REST: variants seen among roughly 807,000 people sequenced by gnomAD.
The protein encoded by REST is RE1-silencing transcription factor.
REST carries 1 observed loss-of-function variant against 30.4 expected under a neutral mutation model. The ratio of observed to expected loss-of-function variants is 0.03; its 90% CI spans 0.01 to 0.16. The LOEUF is 0.16. Ranked by LOEUF, REST falls within the 10% of genes least tolerant of loss-of-function variation. REST has a pLI of 1.00. For missense variants in REST, 1,259 were observed against 1,329.5 expected, an observed-to-expected ratio of 0.95 and a Z score of 0.82; for synonymous variants, 504 against 451.1, an observed-to-expected ratio of 1.12 and a Z score of -1.49.
intron 3 of REST, chr4:56,927,554 T>C: frequency 7.3e-6 from 5 of 686,946 alleles, no homozygotes; most frequent in Non-Finnish European, 9.5e-6. Flanking sequence ...TTGAGAATGT[T>C]TGAGATGAAT....
intron 3 of REST, among the ~76,000 whole-genome samples, chr4:56,928,000 T>A (rs551377301): frequency 7.2e-5 from 11 of 152,372 alleles, no homozygotes; most frequent in African/African-American, 2.4e-4. Context: ...AAGCAGAATT[T>A]CAAAACTTTT....
In REST at chr4:56,931,760, G is replaced by T; in HGVS notation, c.2902G>T (p.Glu968Ter). The T allele has an allele frequency of 6.2e-7, 1 of 1,614,208 alleles. No homozygotes were observed. Among genetic ancestry groups the T allele is most frequent in the Non-Finnish European group, 8.5e-7 (1 of 1,180,042 alleles). ...NLTGINSTVE[E>*]PVSPMLPPSA... Reference sequence around the variant, plus strand: ...CACTGGTATAAATTCAACAGTTGAAGAACCAGTTTCACCAATGCTTCCCCC... The same window carrying T: ...CACTGGTATAAATTCAACAGTTGAATAACCAGTTTCACCAATGCTTCCCCC... The change falls in exon 4 of 4, where the codon GAA becomes TAA. Residue 968 changes from glutamate (E) to a stop codon, truncating the protein, a stop_gained. Coordinates refer to ENST00000309042, the MANE Select transcript of REST (RefSeq NM_005612.5). LOFTEE classifies it low-confidence loss of function (END_TRUNC).
chr4:56,915,065 C>T (rs1388128890), intron 2 of REST, among the ~76,000 whole-genome samples: 1 of 151,386 alleles, frequency 6.6e-6, no homozygotes, highest in Non-Finnish European at 1.5e-5. Flanking sequence ...GCTGGGATTC[C>T]AGGCATGCGC....
chr4:56,916,973 C>T (rs550822526), intron 2 of REST, among the ~76,000 whole-genome samples: 191 of 152,270 alleles, frequency 1.3e-3, no homozygotes, highest in African/African-American at 4.5e-3. Context: ...ACAATCCCAC[C>T]AGCAATGTGT....
Position 56,930,314 on chromosome 4 carries a change from A to T in REST, c.1456A>T (p.Ile486Phe). 6.2e-7 allele frequency: 1 copy of T among 1,614,130 alleles called. No individual in the cohort carries two copies. The highest frequency in any genetic ancestry group is 1.1e-5 in the South Asian group (1 of 91,086). ...EKKPSNNVSV[I>F]QVTTRTRKSV... The stretch of plus-strand genomic sequence containing the variant: ...AAAGCCTTCTAATAATGTGTCAGTG[A>T]TCCAGGTGACTACCAGAACTCGAAA... The change falls in exon 4 of 4, where the codon ATC becomes TTC. Residue 486 changes from isoleucine to phenylalanine, a missense_variant. Coordinates refer to ENST00000309042, the MANE Select transcript of REST (RefSeq NM_005612.5).
intron 3 of REST, among the ~76,000 whole-genome samples, chr4:56,928,195 C>G (rs1720796879): frequency 1.3e-5 from 2 of 152,136 alleles, no homozygotes; most frequent in East Asian, 3.9e-4. Flanking sequence ...GTAATCTTGC[C>G]TTCTGGGTCC....
Position 56,930,102 on chromosome 4 carries a change from G to A in REST, c.1244G>A (p.Cys415Tyr). ...QYHFKSKHPT[C>Y]PNKTMDVSKV... ...CACTTCAAATCTAAGCATCCTACTTGTCCTAATAAAACAATGGATGTCTCA... is the reference window on the plus strand; with the variant it reads ...CACTTCAAATCTAAGCATCCTACTTATCCTAATAAAACAATGGATGTCTCA... Residue 415 changes from cysteine (C) to tyrosine (Y), a missense_variant, in exon 4 of 4, where the codon TGT (cysteine) becomes TAT (tyrosine). Coordinates refer to ENST00000309042, the MANE Select transcript of REST (RefSeq NM_005612.5). The A allele has an allele frequency of 1.2e-6, 2 of 1,613,830 alleles. No homozygotes were observed. Among genetic ancestry groups the A allele is most frequent in the Non-Finnish European group, 1.7e-6 (2 of 1,179,992 alleles).
chr4:56,916,472 A>G lies in REST; in HGVS notation c.899-3315A>G, dbSNP rs372778697. On this transcript the variant is annotated intron_variant, in intron 2 of 3. Transcript: ENST00000309042. ...GGAGTTTGAGACCAGCCTGGTCAGC[A>G]TGGTGAAACCCTGTCTCTACTAAAA... Among the ~76,000 whole-genome samples, 6 of 152,038 alleles carry G rather than the reference A, an allele frequency of 3.9e-5. No homozygotes were observed. The East Asian group carries it at 5.8e-4, about 15-fold the overall frequency.
rs753549190 is a variant in REST, at chr4:56,931,372, T to A, written c.2514T>A (p.Ile838=). The change falls in exon 4 of 4, where the codon ATT becomes ATA. Residue 838 remains isoleucine, a synonymous_variant. Transcript: ENST00000309042. ...SERARKEQVL[I]EVGLVPVKDS... ...GGGCACGGAAGGAGCAAGTCCTTAT[T>A]GAAGTTGGCTTAGTGCCTGTTAAAG... 2.5e-6 allele frequency: 4 copies of A among 1,614,240 alleles called. No homozygotes were observed. The highest frequency in any genetic ancestry group is 2.7e-5 in the African/African-American group (2 of 75,066).
At position 56,930,625 on chromosome 4, in the gene REST, TAAG is replaced by T; in HGVS notation, c.1770_1772del (p.Lys591del). Reference sequence around the variant, plus strand: ...AGAAAACTCTGAAAAATAAATCAAGTAAGAAAAGCAGTAAGCCTCCTCAGAAGG... The same window carrying T: ...AGAAAACTCTGAAAAATAAATCAAGTAAAAGCAGTAAGCCTCCTCAGAAGG... On this transcript the variant is annotated inframe_deletion, in exon 4 of 4. Transcript: ENST00000309042. The T allele has an allele frequency of 6.2e-7, 1 of 1,612,756 alleles. No individual in the cohort carries two copies. The highest frequency in any genetic ancestry group is 8.5e-7 in the Non-Finnish European group (1 of 1,179,814).
At chr4:56,927,863 C>A (rs1339268534) in intron 3 of REST, among the ~76,000 whole-genome samples, 1 of 152,108 alleles carries the variant, frequency 6.6e-6, no homozygotes, top group Non-Finnish European at 1.5e-5. Flanking sequence ...GAATAATTAC[C>A]TTGGCCTATA....
chr4:56,917,323 T>G (rs1438424326), intron 2 of REST, among the ~76,000 whole-genome samples: 1 of 152,154 alleles, frequency 6.6e-6, no homozygotes, highest in Non-Finnish European at 1.5e-5. Flanking sequence ...TTCTTTTTGT[T>G]GTTGTTTGTT....
rs1719859967 is a variant in REST at position 56,910,840 on chromosome 4, G to A, written c.202G>A (p.Gly68Ser). 1.2e-6 allele frequency: 2 copies of A among 1,614,162 alleles called. No homozygotes were observed. Residue 68 changes from glycine to serine, a missense_variant, in exon 2 of 4, where the codon GGT becomes AGT. Transcript: ENST00000309042. ...TGGCAGCTGCTGTGATTACCTGGTCGGTGAAGAAAGACAGATGGCAGAACT... is the reference window on the plus strand; with the variant it reads ...TGGCAGCTGCTGTGATTACCTGGTCAGTGAAGAAAGACAGATGGCAGAACT... ...VNGSCCDYLVGEERQMAELMP... is the reference protein window; with the variant it reads ...VNGSCCDYLVSEERQMAELMP...
chr4:56,919,682 C>T (rs902731697), intron 2 of REST, 105 bp from the exon 3 acceptor site: 9 of 544,124 alleles, frequency 1.7e-5, no homozygotes, highest in African/African-American at 1.9e-5. Context: ...AAAAAAAATT[C>T]TTGTTAAAAT....
rs150344921 is a variant in REST, at chr4:56,912,716, G to A, written c.898+1180G>A. Among the ~76,000 whole-genome samples the A allele has an allele frequency of 0.023, 3,509 of 152,146 alleles. 294 individuals carry two copies. In the East Asian group the frequency reaches 0.26, roughly 11 times the overall value. On this transcript the variant is annotated intron_variant, in intron 2 of 3. Transcript: ENST00000309042. ...TTTAGTAGAGATGGGGTTTCACCAT[G>A]TTGCCCAGGCTGGTCTTGAACTCCT...
At chr4:56,919,341 A>G (rs1417645003) in intron 2 of REST, among the ~76,000 whole-genome samples, 2 of 152,210 alleles carry the variant, frequency 1.3e-5, no homozygotes, top group East Asian at 3.8e-4. Flanking sequence ...TTAAGCTAAC[A>G]CTTTCAAATG....
Position 56,928,901 on chromosome 4 carries a change from G to A in REST, c.983-940G>A, listed in dbSNP as rs192016872. 3.1e-4 allele frequency among the ~76,000 whole-genome samples: 47 copies of A among 150,174 alleles called. No individual in the cohort carries two copies. The East Asian group carries it at 5.6e-3, about 18-fold the overall frequency. ...TACCGCACCTGGCTGGGAATTTTAT[G>A]TATTGATTTATTTTTGAGACAGGGC... On this transcript the variant is annotated intron_variant, in intron 3 of 3. Transcript: ENST00000309042.
intron 3 of REST, chr4:56,922,494 G>A (rs187561443): frequency 6.6e-6 from 1 of 152,048 alleles, no homozygotes; most frequent in African/African-American, 2.4e-5. Flanking sequence ...TGTATTTTTA[G>A]TAGAGATGAG....
chr4:56,924,773 C>T (rs1720608624), intron 3 of REST, among the ~76,000 whole-genome samples: 1 of 152,106 alleles, frequency 6.6e-6, no homozygotes, highest in Non-Finnish European at 1.5e-5. Flanking sequence ...TTAGAACATT[C>T]TTTTATAAAA....
Sources: gnomAD v4.1 joint callset for allele counts (sites outside exome capture counted in the v4.1 genomes callset) on GRCh38, gnomAD v4.1.1 for gene constraint, MANE v1.5 for transcripts, NCBI Gene and HGNC (gene_info 2026-07-23, HGNC 2026-07-21) for gene names.